EPB41L1: variants seen among roughly 807,000 people sequenced by gnomAD.
EPB41L1 encodes the protein erythrocyte membrane protein band 4.1 like 1, also known as band 4.1-like protein 1.
In EPB41L1, 29 loss-of-function variants were observed where a neutral mutation model predicts 97.8. The ratio of observed to expected loss-of-function variants is 0.30; its 90% CI spans 0.22 to 0.40. EPB41L1 has a LOEUF of 0.40. Among genes scored for constraint, EPB41L1 ranks in the 10% least tolerant of loss-of-function variants. The pLI is 1.00. For missense variants in EPB41L1, 812 were observed against 1,162.3 expected, an observed-to-expected ratio of 0.70 and a Z score of 4.38; for synonymous variants, 383 against 459.2, an observed-to-expected ratio of 0.83 and a Z score of 2.12.
chr20:36,171,734 G>A (rs1016101383), intron 1 of EPB41L1, among the ~76,000 whole-genome samples: 1 of 152,182 alleles, frequency 6.6e-6, no homozygotes, highest in African/African-American at 2.4e-5. Flanking sequence ...AAAAGGAAGT[G>A]TGGGGCGGGG....
intron 1 of EPB41L1, among the ~76,000 whole-genome samples, chr20:36,161,822 A>G (rs538710885): frequency 6.6e-6 from 1 of 152,256 alleles, no homozygotes; most frequent in South Asian, 2.1e-4. Context: ...GTGCAGTGGC[A>G]TAGTCACAGC....
At chr20:36,146,441 T>C (rs1052478074) in intron 2 of EPB41L1, among the ~76,000 whole-genome samples, 1 of 152,258 alleles carries the variant, frequency 6.6e-6, no homozygotes, top group African/African-American at 2.4e-5. Flanking sequence ...GAGGGCCCAG[T>C]TGGCGAGGGG....
intron 3 of EPB41L1, among the ~76,000 whole-genome samples, chr20:36,177,341 A>G (rs922339377): frequency 6.6e-6 from 1 of 152,178 alleles, no homozygotes; most frequent in African/African-American, 2.4e-5. Flanking sequence ...CTAGCTCTAC[A>G]GGAGTGGGAG....
Position 36,231,071 on chromosome 20 carries a change from G to C in EPB41L1, c.*1731G>C, listed in dbSNP as rs2064470121. On this transcript the variant is annotated 3_prime_UTR_variant, in exon 22 of 22. Transcript: ENST00000338074. ...AAAGCTGAGACTGACGGGTGATGTT[G>C]CTCATAGGCTCCAGCTCTGCATAAG... 1 of 152,194 alleles carries C rather than the reference G, an allele frequency of 6.6e-6. No homozygotes were observed. The highest frequency in any genetic ancestry group is 2.4e-5 in the African/African-American group (1 of 41,416). The allele number at this position is 152,194 out of a possible 1,614,324, so 9.4% of individuals were successfully genotyped here.
intron 14 of EPB41L1, among the ~76,000 whole-genome samples, chr20:36,200,405 G>A (rs2062433626): frequency 6.6e-6 from 1 of 152,144 alleles, no homozygotes; most frequent in South Asian, 2.1e-4. Context: ...CAGCCTCCTC[G>A]TATATTGTTG....
In EPB41L1 at chr20:36,219,742, G is replaced by A. The variant is rs1351185772; in HGVS notation, c.2356-19G>A. On this transcript the variant is annotated intron_variant, in intron 18 of 21. Transcript: ENST00000338074. ...GTCCTTACCTGACACCCTGGGTGGGGGGTGGTTATATTCTGCAGATCATCG... is the reference window on the plus strand; with the variant it reads ...GTCCTTACCTGACACCCTGGGTGGGAGGTGGTTATATTCTGCAGATCATCG... 1.2e-6 allele frequency: 2 copies of A among 1,613,406 alleles called. No homozygotes were observed.
intron 14 of EPB41L1, among the ~76,000 whole-genome samples, chr20:36,202,422 A>G (rs1433144530): frequency 3.3e-5 from 5 of 152,018 alleles, no homozygotes; most frequent in Non-Finnish European, 7.4e-5. Context: ...CCTTCCCTAG[A>G]ACACTTCACT....
At position 36,187,868 on chromosome 20, in the gene EPB41L1, C is replaced by T. The variant is rs956342108; in HGVS notation, c.873+105C>T. 12 of 908,294 alleles carry T rather than the reference C, an allele frequency of 1.3e-5. No individual in the cohort carries two copies. In the Admixed American group the frequency reaches 2.2e-4, roughly 16 times the overall value. The allele number at this position is 908,294 out of a possible 1,614,324, so 56.3% of individuals were successfully genotyped here. A position where few individuals can be genotyped will look rare whatever the true frequency, so the allele number is the denominator to read the frequency against. On this transcript the variant is annotated intron_variant, in intron 8 of 21. Coordinates refer to ENST00000338074, the MANE Select transcript of EPB41L1 (RefSeq NM_012156.2). Reference sequence around the variant, plus strand: ...GTGCCAGACCCTGTGTTACCTCCAACTTGAAACCTTTTCTGTTCTCATTCT... The same window carrying T: ...GTGCCAGACCCTGTGTTACCTCCAATTTGAAACCTTTTCTGTTCTCATTCT...
chr20:36,225,440 G>A (rs991982314), intron 21 of EPB41L1, among the ~76,000 whole-genome samples: 1 of 152,172 alleles, frequency 6.6e-6, no homozygotes, highest in African/African-American at 2.4e-5. Flanking sequence ...CCTGGGACCT[G>A]TATTGCCTGG....
At position 36,187,703 on chromosome 20, in the gene EPB41L1, C is replaced by T; in HGVS notation, c.813C>T (p.Ile271=). ...GGATGACCCCGGGAGAAGCAGAAAT[C>T]CACTTCTTAGAGAATGCCAAGAAGC... ...YRGMTPGEAE[I]HFLENAKKLS... is the part of the protein sequence containing the mutation. The change falls in exon 8 of 22, where the codon ATC becomes ATT. Residue 271 remains isoleucine (I), a synonymous_variant. Transcript: ENST00000338074. 1 of 1,614,082 alleles carries T rather than the reference C, an allele frequency of 6.2e-7. No individual in the cohort carries two copies. Among genetic ancestry groups the T allele is most frequent in the South Asian group, 1.1e-5 (1 of 91,066 alleles).
Position 36,185,044 on chromosome 20 carries a change from A to T in EPB41L1, c.567-73A>T, listed in dbSNP as rs1207142395. ...CTGAGCTATGTTCTATTTAGTTCTGATGGACAGCTGTGCTTGGGGGATCTA... is the reference window on the plus strand; with the variant it reads ...CTGAGCTATGTTCTATTTAGTTCTGTTGGACAGCTGTGCTTGGGGGATCTA... On this transcript the variant is annotated intron_variant, in intron 6 of 21. Coordinates refer to ENST00000338074, the MANE Select transcript of EPB41L1 (RefSeq NM_012156.2). 6 of 1,467,156 alleles carry T rather than the reference A, an allele frequency of 4.1e-6. No homozygotes were observed. The African/African-American group carries it at 6.9e-5, about 17-fold the overall frequency. 90.9% of individuals were successfully genotyped at this position (1,467,156 alleles called of 1,614,324 possible).
intron 1 of EPB41L1, among the ~76,000 whole-genome samples, chr20:36,101,155 G>A (rs1601209788): frequency 6.6e-6 from 1 of 152,176 alleles, no homozygotes; most frequent in South Asian, 2.1e-4. Context: ...GCTCAGTGAC[G>A]GGTGGAACTC....
At chr20:36,124,380 G>A (rs2058877608) in intron 2 of EPB41L1, among the ~76,000 whole-genome samples, 1 of 152,196 alleles carries the variant, frequency 6.6e-6, no homozygotes, top group Non-Finnish European at 1.5e-5. Flanking sequence ...AGCCCTGAGT[G>A]AGCCGGTTCC....
At chr20:36,194,469 T>C in intron 12 of EPB41L1, 109 bp downstream of exon 12, 1 of 1,369,980 alleles carries the variant, frequency 7.3e-7, no homozygotes, top group Non-Finnish European at 1.0e-6. Flanking sequence ...CAAGCACCCT[T>C]ACTATGGAGT....
chr20:36,190,713 G>T lies in EPB41L1; in HGVS notation c.1216G>T (p.Ala406Ser). ...SGRTQAQTRQASALIDRPAPF... is the reference protein window; with the variant it reads ...SGRTQAQTRQSSALIDRPAPF... ...GAGGACCCAGGCACAGACTCGCCAG[G>T]CCAGCGCCCTCATTGACCGGCCTGC... The change falls in exon 11 of 22, where the codon GCC becomes TCC. Residue 406 changes from alanine (A) to serine (S), a missense_variant. By Grantham distance (99) the Ala-to-Ser change is moderately conservative. Around this residue, in one of 3 missense-constraint regions of EPB41L1, gnomAD observed 230 missense variants for 445.2 expected, o/e 0.52. Transcript: ENST00000338074. This position sits in a 1 kb window ranked among gnomAD's most constrained non-coding sequence, Gnocchi z 5.8. 1 of 1,614,168 alleles carries T rather than the reference G, an allele frequency of 6.2e-7. No individual in the cohort carries two copies. Among genetic ancestry groups the T allele is most frequent in the Non-Finnish European group, 8.5e-7 (1 of 1,180,032 alleles).
chr20:36,153,541 C>A (rs1222498249), upstream of EPB41L1, among the ~76,000 whole-genome samples: 1 of 152,128 alleles, frequency 6.6e-6, no homozygotes, highest in East Asian at 1.9e-4. Flanking sequence ...AGGGTGGTGA[C>A]TGGGGGTTCG....
At chr20:36,133,851 C>G (rs1248342755) in intron 2 of EPB41L1, among the ~76,000 whole-genome samples, 2 of 143,160 alleles carry the variant, frequency 1.4e-5, no homozygotes, top group Non-Finnish European at 3.0e-5. Flanking sequence ...GAGTGAGACC[C>G]TGTCAAAAAA....
At chr20:36,122,248 C>T (rs543422907) in intron 2 of EPB41L1, among the ~76,000 whole-genome samples, 9 of 152,286 alleles carry the variant, frequency 5.9e-5, no homozygotes, top group Admixed American at 3.3e-4. Flanking sequence ...GCCCAACTGA[C>T]GCAAACAGCC....
intron 14 of EPB41L1, among the ~76,000 whole-genome samples, chr20:36,201,463 C>G (rs1377815099): frequency 6.6e-6 from 1 of 152,138 alleles, no homozygotes; most frequent in African/African-American, 2.4e-5. Flanking sequence ...ATGCCTTCTG[C>G]CTTAAGGTCT....
Sources: gnomAD v4.1 joint callset for allele counts (sites outside exome capture counted in the v4.1 genomes callset) on GRCh38, gnomAD v4.1.1 for gene constraint, gnomAD v4.1.1 regional missense constraint, Gnocchi (gnomAD v3.1) non-coding constraint, MANE v1.5 for transcripts, NCBI Gene and HGNC (gene_info 2026-07-23, HGNC 2026-07-21) for gene names.